Variants in MIB1 observed in about 807,000 individuals in gnomAD.
MIB1 encodes the protein E3 ubiquitin-protein ligase MIB1.
A neutral mutation model predicts 124.5 loss-of-function variants in MIB1; 278 were observed. That is an observed-to-expected ratio of 2.23 (90% CI 2.02 to 2.47). MIB1 has a LOEUF of 2.47. MIB1 is among the 30% of genes most tolerant of loss of function. The pLI is 0.00. For missense variants in MIB1, 957 were observed against 1,254.4 expected, an observed-to-expected ratio of 0.76 and a Z score of 3.58; for synonymous variants, 446 against 429.4, an observed-to-expected ratio of 1.04 and a Z score of -0.48.
intron 6 of MIB1, among the ~76,000 whole-genome samples, chr18:21,788,735 A>AATTCATTT (rs1598611567): frequency 6.6e-6 from 1 of 152,238 alleles, no homozygotes; most frequent in East Asian, 1.9e-4. Flanking sequence ...AATCCACAAA[A>AATTCATTT]GCTATTGTAG....
rs377312881 is a variant in MIB1 at position 21,841,072 on chromosome 18, A to T, written c.1963-2059A>T. On this transcript the variant is annotated intron_variant, in intron 13 of 20. Transcript: ENST00000261537. ...GAATCCAGAACTCTGAAAATTTAAT[A>T]ATAAAAGGACTGGCTGGGTGCGGTG... Among the ~76,000 whole-genome samples, 16 of 152,012 alleles carry T rather than the reference A, an allele frequency of 1.1e-4. No homozygotes were observed. In the East Asian group the frequency reaches 2.1e-3, roughly 20 times the overall value.
intron 1 of MIB1, among the ~76,000 whole-genome samples, chr18:21,710,252 C>T (rs911059901): frequency 1.4e-4 from 22 of 151,970 alleles, no homozygotes; most frequent in African/African-American, 3.6e-4. Context: ...TGCACCATCA[C>T]GCCCAGCTAA....
chr18:21,742,503 A>G (rs997117200), intron 1 of MIB1, among the ~76,000 whole-genome samples: 1 of 152,092 alleles, frequency 6.6e-6, no homozygotes, highest in Non-Finnish European at 1.5e-5. Flanking sequence ...TTTTTGTTAC[A>G]CTAACGTCCG....
chr18:21,762,449 A>C (rs1000595995), intron 1 of MIB1, among the ~76,000 whole-genome samples: 1 of 152,258 alleles, frequency 6.6e-6, no homozygotes, highest in Non-Finnish European at 1.5e-5. Context: ...TACCATTTTT[A>C]AAGTAGTTTG....
intron 19 of MIB1, 151 bp from the exon 20 acceptor site, chr18:21,858,395 C>T: frequency 2.0e-6 from 1 of 498,218 alleles, no homozygotes; most frequent in Non-Finnish European, 3.7e-6. Context: ...AACGTCACTA[C>T]TGTATGTTGT....
chr18:21,750,487 C>T (rs532312117), intron 1 of MIB1, among the ~76,000 whole-genome samples: 1 of 152,272 alleles, frequency 6.6e-6, no homozygotes, highest in Non-Finnish European at 1.5e-5. Flanking sequence ...GCCACCATGC[C>T]CCGCTAACTT....
In MIB1 at chr18:21,869,575, T is replaced by G. The variant is rs1466921437; in HGVS notation, c.*4909T>G. 1 of 152,506 alleles carries G rather than the reference T, an allele frequency of 6.6e-6. No homozygotes were observed. Among genetic ancestry groups the G allele is most frequent in the Non-Finnish European group, 1.5e-5 (1 of 67,930 alleles). The allele number at this position is 152,506 out of a possible 1,614,324, so 9.4% of individuals were successfully genotyped here. A position where few individuals can be genotyped will look rare whatever the true frequency, so the allele number is the denominator to read the frequency against. ...TGTGTGCTGGGTTTGGGTAATTCTT[T>G]AAAGGAAGTTTTCTAGATTTGCACT... On this transcript the variant is annotated 3_prime_UTR_variant, in exon 21 of 21. Transcript: ENST00000261537.
Position 21,844,120 on chromosome 18 carries a change from A to C in MIB1, c.2078A>C (p.Asp693Ala), listed in dbSNP as rs752589269. ...RLLVRAGAKL[D>A]IQDKDGDTPL... ...TTGGTCCGTGCAGGTGCCAAGCTTG[A>C]TATTCAGGATAAGGATGGGGATACT... The change falls in exon 15 of 21, where the codon GAT becomes GCT. Residue 693 changes from aspartate to alanine, a missense_variant. By Grantham distance (126) the Asp-to-Ala change is moderately radical (BLOSUM62 -2). Transcript: ENST00000261537. 1.2e-6 allele frequency: 2 copies of C among 1,613,914 alleles called. No individual in the cohort carries two copies. The highest frequency in any genetic ancestry group is 1.7e-6 in the Non-Finnish European group (2 of 1,180,030).
chr18:21,803,447 T>A (rs2041671098), intron 9 of MIB1, among the ~76,000 whole-genome samples: 2 of 152,356 alleles, frequency 1.3e-5, no homozygotes, highest in Admixed American at 6.5e-5. Flanking sequence ...ATATCCTTAT[T>A]TATTGTCCTT....
At position 21,844,206 on chromosome 18, in the gene MIB1, C is replaced by T. The variant is rs1213046680; in HGVS notation, c.2164C>T (p.Gln722Ter). ...LSQLRQLQDMQDVGKVDAAWE... is the reference protein window; with the variant it reads ...LSQLRQLQDM ...TCAGCTACGTCAGCTCCAAGATATG[C>T]AAGATGTGGGGAAGGTGGATGCTGC... is the stretch of plus-strand genomic sequence containing the variant. Residue 722 changes from glutamine to a stop codon, truncating the protein, a stop_gained, in exon 15 of 21, where the codon CAA (glutamine) becomes TAA (stop). Coordinates refer to ENST00000261537, the MANE Select transcript of MIB1 (RefSeq NM_020774.4). LOFTEE classifies it high-confidence loss of function. 4.3e-6 allele frequency: 7 copies of T among 1,614,098 alleles called. No individual in the cohort carries two copies. Among genetic ancestry groups the T allele is most frequent in the Non-Finnish European group, 5.1e-6 (6 of 1,180,010 alleles).
At chr18:21,846,096 C>T (rs1464643458) in intron 15 of MIB1, among the ~76,000 whole-genome samples, 2 of 152,164 alleles carry the variant, frequency 1.3e-5, no homozygotes, top group Admixed American at 1.3e-4. Context: ...GTGTTGAAGT[C>T]AGGTAGTGTC....
At chr18:21,856,035 C>G (rs1328260727) in intron 18 of MIB1, among the ~76,000 whole-genome samples, 2 of 150,838 alleles carry the variant, frequency 1.3e-5, no homozygotes, top group African/African-American at 2.4e-5. Flanking sequence ...TCGAGACCAT[C>G]CTGGCTAACA....
rs2042307991 is a variant in MIB1, at chr18:21,864,778, T to C, written c.*112T>C. 1.3e-6 allele frequency: 1 copy of C among 744,644 alleles called. No homozygotes were observed. The allele number at this position is 744,644 out of a possible 1,614,324, so 46.1% of individuals were successfully genotyped here. ...TTAATTTCTAATATCATAGTTTCTT[T>C]ACTAGAGTATAATTGGGCTGTAAAT... On this transcript the variant is annotated 3_prime_UTR_variant, in exon 21 of 21. Transcript: ENST00000261537.
At chr18:21,709,813 CAG>C (rs2040657758) in intron 1 of MIB1, among the ~76,000 whole-genome samples, 1 of 152,168 alleles carries the variant, frequency 6.6e-6, no homozygotes, top group South Asian at 2.1e-4. Context: ...GACTTCCTGA[CAG>C]AGATGTGAGC....
intron 10 of MIB1, among the ~76,000 whole-genome samples, chr18:21,804,595 G>GA (rs2041684093): frequency 6.6e-6 from 1 of 152,170 alleles, no homozygotes; most frequent in Non-Finnish European, 1.5e-5. Context: ...TCTCTATTGT[G>GA]AAGGATGTCT....
intron 20 of MIB1, among the ~76,000 whole-genome samples, chr18:21,861,464 C>G (rs2042275648): frequency 6.6e-6 from 1 of 151,310 alleles, no homozygotes; most frequent in Non-Finnish European, 1.5e-5. Flanking sequence ...TTTATTGAAC[C>G]CTATATGGAT....
chr18:21,811,705 G>A (rs530681739), intron 10 of MIB1, among the ~76,000 whole-genome samples: 1 of 152,084 alleles, frequency 6.6e-6, no homozygotes, highest in Non-Finnish European at 1.5e-5. Context: ...AGATGGGGGG[G>A]TAGGAGGAAT....
At chr18:21,803,610 AT>A in intron 9 of MIB1, 1 of 208,812 alleles carries the variant, frequency 4.8e-6, no homozygotes, top group Non-Finnish European at 9.5e-6. Context: ...AGAAATATAT[AT>A]ACAAAACCAA....
At chr18:21,835,095 C>G (rs1237754487) in intron 12 of MIB1, among the ~76,000 whole-genome samples, 1 of 152,140 alleles carries the variant, frequency 6.6e-6, no homozygotes, top group Admixed American at 6.5e-5. Flanking sequence ...TTCTCCACAG[C>G]TTAGTAAATC....
Sources: gnomAD v4.1 joint callset for allele counts (sites outside exome capture counted in the v4.1 genomes callset) on GRCh38, gnomAD v4.1.1 for gene constraint, MANE v1.5 for transcripts, NCBI Gene and HGNC (gene_info 2026-07-23, HGNC 2026-07-21) for gene names.